The following MICU3 variants were observed in gnomAD, a reference collection of about 807,000 sequenced individuals.
The protein encoded by MICU3 is mitochondrial calcium uptake 3, also known as calcium uptake protein 3, mitochondrial.
MICU3 carries 62 observed loss-of-function variants against 66.5 expected under a neutral mutation model. The ratio of observed to expected loss-of-function variants is 0.93; its 90% CI spans 0.76 to 1.15. The LOEUF is 1.15. Ranked by LOEUF, MICU3 falls within the 50% of genes most tolerant of loss-of-function variation. The probability of loss-of-function intolerance (pLI) is 0.00; values close to 1 mark genes in which losing one functional copy is unlikely to be tolerated. For synonymous variants in MICU3, 308 were observed against 240.7 expected (o/e 1.28, Z -2.59); for missense variants, 779 against 664.4 (o/e 1.17, Z -1.90).
At position 17,036,056 on chromosome 8, in the gene MICU3, G is replaced by A. The variant is rs182795315; in HGVS notation, c.381+8396G>A. ...CAAGAATGAAGCCGCGGACCCTCGC[G>A]GTGAGTGTTACAGCTCTTAAGGTGG... On this transcript the variant is annotated intron_variant, in intron 1 of 14. Transcript: ENST00000318063. 1.3e-3 allele frequency among the ~76,000 whole-genome samples: 196 copies of A among 152,278 alleles called. 1 individual carries two copies. Among genetic ancestry groups the A allele is most frequent in the African/African-American group, 4.5e-3 (188 of 41,538 alleles).
intron 1 of MICU3, among the ~76,000 whole-genome samples, chr8:17,048,030 T>C (rs986983096): frequency 3.3e-5 from 5 of 152,190 alleles, no homozygotes; most frequent in African/African-American, 1.2e-4. Context: ...TTAAAGTGTT[T>C]CATGGGGGAA....
chr8:17,059,465 T>A (rs923079994), intron 1 of MICU3, among the ~76,000 whole-genome samples: 7 of 152,188 alleles, frequency 4.6e-5, no homozygotes, highest in Non-Finnish European at 8.8e-5. Context: ...GAGTGCTTAA[T>A]ATTACTGATA....
chr8:17,082,598 T>C (rs1161417558), intron 5 of MICU3, among the ~76,000 whole-genome samples: 7 of 152,134 alleles, frequency 4.6e-5, no homozygotes, highest in Admixed American at 4.6e-4. Flanking sequence ...AAGAACAGTG[T>C]CTCGCACATG....
chr8:17,047,704 A>T (rs1441589353), intron 1 of MICU3, among the ~76,000 whole-genome samples: 4 of 152,208 alleles, frequency 2.6e-5, no homozygotes, highest in Non-Finnish European at 5.9e-5. Context: ...TGCCACTTAG[A>T]TTTCTATACC....
chr8:17,030,541 C>T (rs1811844475), intron 1 of MICU3, among the ~76,000 whole-genome samples: 1 of 151,640 alleles, frequency 6.6e-6, no homozygotes, highest in Admixed American at 6.6e-5. Context: ...TTATGGGCTT[C>T]TTATTAGTGT....
intron 1 of MICU3, among the ~76,000 whole-genome samples, chr8:17,045,270 C>T (rs902413529): frequency 6.6e-6 from 1 of 152,174 alleles, no homozygotes; most frequent in Non-Finnish European, 1.5e-5. Context: ...CTCTCTCTTT[C>T]TCCTGCCTGC....
At chr8:17,028,973 C>G (rs1811524078) in intron 1 of MICU3, among the ~76,000 whole-genome samples, 1 of 152,198 alleles carries the variant, frequency 6.6e-6, no homozygotes, top group East Asian at 1.9e-4. Flanking sequence ...GAGATGTTAT[C>G]TTGCAGTTTT....
intron 1 of MICU3, among the ~76,000 whole-genome samples, chr8:17,039,849 T>A (rs1380418731): frequency 6.6e-6 from 1 of 151,474 alleles, no homozygotes; most frequent in Non-Finnish European, 1.5e-5. Flanking sequence ...GTATATATTG[T>A]TGAGTGATTA....
intron 3 of MICU3, among the ~76,000 whole-genome samples, chr8:17,075,285 G>A (rs1820211030): frequency 6.6e-6 from 1 of 152,128 alleles, no homozygotes; most frequent in Non-Finnish European, 1.5e-5. Context: ...TCATTACATA[G>A]GCATGATTGA....
At chr8:17,092,783 A>C (rs984349210) in intron 8 of MICU3, among the ~76,000 whole-genome samples, 1 of 152,100 alleles carries the variant, frequency 6.6e-6, no homozygotes, top group Non-Finnish European at 1.5e-5. Context: ...TACAAGTATT[A>C]TACAAATCTA....
intron 11 of MICU3, among the ~76,000 whole-genome samples, chr8:17,110,361 C>G (rs557872905): frequency 6.6e-6 from 1 of 152,244 alleles, no homozygotes; most frequent in South Asian, 2.1e-4. Flanking sequence ...CTTTCTACTT[C>G]TAAACCATTT....
At chr8:17,134,834 T>C in the MICU3 span, among the ~76,000 whole-genome samples, 3 of 152,178 alleles carry the variant, frequency 2.0e-5, no homozygotes, top group African/African-American at 7.2e-5. Flanking sequence ...GTCTACTGAT[T>C]TAAATGTTAA....
At chr8:17,047,483 A>C (rs537884581) in intron 1 of MICU3, among the ~76,000 whole-genome samples, 14 of 152,350 alleles carry the variant, frequency 9.2e-5, no homozygotes, top group Non-Finnish European at 1.5e-5. Flanking sequence ...AGGAAGGAAC[A>C]AAGACATTAA....
chr8:17,064,145 G>A lies in MICU3; in HGVS notation c.443G>A (p.Arg148Gln). 1.2e-6 allele frequency: 2 copies of A among 1,613,098 alleles called. No homozygotes were observed. Residue 148 changes from arginine (R) to glutamine (Q), a missense_variant, in exon 2 of 15, where the codon CGA becomes CAA. Arg to Gln is a conservative substitution (Grantham distance 43, BLOSUM62 1). Transcript: ENST00000318063. Reference protein sequence around the residue: ...LDLYATSRERRFRLFASIECE... With the variant: ...LDLYATSRERQFRLFASIECE... ...CTTTATGCCACATCTCGGGAGAGGC[G>A]ATTTCGTTTATTTGCTTCTATAGAA...
intron 1 of MICU3, among the ~76,000 whole-genome samples, chr8:17,050,542 G>T (rs1159746874): frequency 2.6e-5 from 4 of 152,004 alleles, no homozygotes; most frequent in Admixed American, 6.6e-5. Context: ...CTGTTACTCA[G>T]ATCCTTTTTC....
chr8:17,050,854 A>T (rs553221369), intron 1 of MICU3, among the ~76,000 whole-genome samples: 2 of 152,034 alleles, frequency 1.3e-5, no homozygotes, highest in East Asian at 3.9e-4. Flanking sequence ...CTCTTTTTCA[A>T]TGGGGGGGTT....
At chr8:17,089,415 G>GT (rs1799809412) in intron 7 of MICU3, among the ~76,000 whole-genome samples, 2 of 151,804 alleles carry the variant, frequency 1.3e-5, no homozygotes, top group Admixed American at 1.3e-4. Context: ...TAGTTTTAAA[G>GT]TTTTTTTTAG....
Position 17,069,464 on chromosome 8 carries a change from C to T in MICU3, c.536-224C>T, listed in dbSNP as rs1187917362. 3.3e-5 allele frequency among the ~76,000 whole-genome samples: 5 copies of T among 152,096 alleles called. 1 individual carries two copies. Among genetic ancestry groups the T allele is most frequent in the Non-Finnish European group, 1.5e-5 (1 of 67,946 alleles). ...ATGATACGGCTGTGGAGAAATGTTT[C>T]CTGTATCACTGATACTTACTATGAA... On this transcript the variant is annotated intron_variant, in intron 2 of 14. Transcript: ENST00000318063.
intron 11 of MICU3, among the ~76,000 whole-genome samples, chr8:17,113,511 C>T (rs1476106593): frequency 6.6e-6 from 1 of 152,208 alleles, no homozygotes; most frequent in Non-Finnish European, 1.5e-5. Context: ...AGTGTGGAGG[C>T]ACCCAGAACT....
Sources: gnomAD v4.1 joint callset for allele counts (sites outside exome capture counted in the v4.1 genomes callset) on GRCh38, gnomAD v4.1.1 for gene constraint, MANE v1.5 for transcripts, NCBI Gene and HGNC (gene_info 2026-07-23, HGNC 2026-07-21) for gene names.